The following DGCR8 variants were observed in gnomAD, a reference collection of about 807,000 sequenced individuals.
DGCR8 encodes the protein DGCR8 microprocessor complex subunit.
In DGCR8, 14 loss-of-function variants were observed where a neutral mutation model predicts 78.5. The ratio of observed to expected loss-of-function variants is 0.18; its 90% CI spans 0.12 to 0.28. The LOEUF (loss-of-function observed/expected upper bound fraction) is 0.28, where lower values mean the gene tolerates loss of function less well. Ranked by LOEUF, DGCR8 falls within the 10% of genes least tolerant of loss-of-function variation. The pLI, the probability that DGCR8 is intolerant of heterozygous loss-of-function variation, is 1.00. For missense variants in DGCR8, 702 were observed against 1,022.5 expected (o/e 0.69, Z 4.28); for synonymous variants, 399 against 402.4 (o/e 0.99, Z 0.10).
rs921399840 is a variant in DGCR8, at chr22:20,087,434, G to A, written c.880+113G>A. On this transcript the variant is annotated intron_variant, in intron 3 of 13. Transcript: ENST00000351989. The surrounding 1 kb of genome is among the most constrained non-coding windows in gnomAD (Gnocchi z 4.1). ...GTGCCAGGTAGTGGGCTGGGTGGAGGCATGTTTGAGGACAGGACAGAAATA... is the reference window on the plus strand; with the variant it reads ...GTGCCAGGTAGTGGGCTGGGTGGAGACATGTTTGAGGACAGGACAGAAATA... 42 of 1,240,140 alleles carry A rather than the reference G, an allele frequency of 3.4e-5. No individual in the cohort carries two copies. The highest frequency in any genetic ancestry group is 4.3e-5 in the Non-Finnish European group (39 of 904,002). 76.8% of individuals were successfully genotyped at this position (1,240,140 alleles called of 1,614,324 possible).
rs1410923102 is a variant in DGCR8, at chr22:20,106,612, C to T, written c.1910C>T (p.Thr637Met). Reference sequence around the variant, plus strand: ...TAAAGAAACCATGGGATGGGTGACACGTCTATCAAGTTTGAAGTGGTTCCT... The same window carrying T: ...TAAAGAAACCATGGGATGGGTGACATGTCTATCAAGTTTGAAGTGGTTCCT... ...CLKRNHGMGD[T>M]SIKFEVVPGK... Residue 637 changes from threonine to methionine, a missense_variant, in exon 11 of 14, where the codon ACG (threonine) becomes ATG (methionine). By Grantham distance (81) the Thr-to-Met change is moderately conservative. Transcript: ENST00000351989. The T allele has an allele frequency of 7.4e-6, 12 of 1,613,510 alleles. No individual in the cohort carries two copies. Among genetic ancestry groups the T allele is most frequent in the African/African-American group, 1.3e-5 (1 of 74,918 alleles).
rs537189589 is a variant in DGCR8, at chr22:20,100,778, T to TCCC, written c.1789-5397_1789-5395dup. 2.4e-5 allele frequency: 24 copies of TCCC among 985,356 alleles called. No individual in the cohort carries two copies. In the East Asian group the frequency reaches 1.9e-3, roughly 79 times the overall value. 61.0% of individuals were successfully genotyped at this position (985,356 alleles called of 1,614,324 possible). On this transcript the variant is annotated intron_variant, in intron 9 of 13. Coordinates refer to ENST00000351989, the MANE Select transcript of DGCR8 (RefSeq NM_022720.7). ...GCATGTGGTGGCTTCCGCTGTAGACTCCCCTGCCTGGGGCTTTTTCCACAC... is the reference window on the plus strand; with the variant it reads ...GCATGTGGTGGCTTCCGCTGTAGACTCCCCCCCTGCCTGGGGCTTTTTCCACAC...
chr22:20,082,304 C>T (rs1192869193), intron 1 of DGCR8, among the ~76,000 whole-genome samples: 2 of 151,954 alleles, frequency 1.3e-5, no homozygotes, highest in African/African-American at 2.4e-5. Context: ...AAATGATCTG[C>T]CTGCCTCAGC....
rs761292966 is a variant in DGCR8, at chr22:20,086,302, G to A, written c.339G>A (p.Lys113=). ...PAVRKFSPDL[K]LLKDVKISVS... is the part of the protein sequence containing the mutation. ...TCCGGAAGTTCTCCCCTGACCTTAA[G>A]TTGCTTAAGGATGTAAAGATTAGCG... Residue 113 remains lysine (K), a synonymous_variant, in exon 2 of 14, where the codon AAG becomes AAA. Transcript: ENST00000351989. This position sits in a 1 kb window ranked among gnomAD's most constrained non-coding sequence, Gnocchi z 6.4. 1.2e-6 allele frequency: 2 copies of A among 1,614,184 alleles called. No individual in the cohort carries two copies. Among genetic ancestry groups the A allele is most frequent in the South Asian group, 1.1e-5 (1 of 91,084 alleles).
intron 1 of DGCR8, among the ~76,000 whole-genome samples, chr22:20,082,359 C>T (rs2049428310): frequency 6.6e-6 from 1 of 151,878 alleles, no homozygotes; most frequent in Admixed American, 6.6e-5. Context: ...TGTGCCTGGC[C>T]ACAGAGTGAT....
intron 1 of DGCR8, among the ~76,000 whole-genome samples, chr22:20,081,859 C>A (rs2049421867): frequency 6.6e-6 from 1 of 152,112 alleles, no homozygotes. Context: ...TTTCTTACAC[C>A]TTCATGCAGT....
chr22:20,098,170 G>A (rs1195650755), intron 9 of DGCR8, among the ~76,000 whole-genome samples: 1 of 151,236 alleles, frequency 6.6e-6, no homozygotes, highest in South Asian at 2.1e-4. Context: ...TATATATATG[G>A]GGTAGAGATG....
rs560910865 is a variant in DGCR8 at position 20,090,166 on chromosome 22, C to G, written c.1214C>G (p.Pro405Arg). Reference sequence around the variant, plus strand: ...TCTATGGGTGCTGACCCGGGGCCCCCGGACGAGAAAGACCCACTAGGGGCT... The same window carrying G: ...TCTATGGGTGCTGACCCGGGGCCCCGGGACGAGAAAGACCCACTAGGGGCT... ...PDSMGADPGP[P>R]DEKDPLGAEA... Residue 405 changes from proline to arginine, a missense_variant, in exon 5 of 14, where the codon CCG becomes CGG. Physicochemically the swap from Pro to Arg is moderately radical, Grantham distance 103. This residue lies in a region of DGCR8 where 119 missense variants were observed against 126.1 expected (regional missense o/e 0.94). Coordinates refer to ENST00000351989, the MANE Select transcript of DGCR8 (RefSeq NM_022720.7). The G allele has an allele frequency of 2.7e-5, 44 of 1,614,098 alleles. No homozygotes were observed. The highest frequency in any genetic ancestry group is 3.7e-5 in the Non-Finnish European group (44 of 1,180,048).
chr22:20,083,413 G>A (rs1392500097), intron 1 of DGCR8, among the ~76,000 whole-genome samples: 1 of 151,194 alleles, frequency 6.6e-6, no homozygotes, highest in Non-Finnish European at 1.5e-5. Flanking sequence ...AGGGGAGGAA[G>A]GAACTTGCCC....
Position 20,111,328 on chromosome 22 carries a change from C to T in DGCR8, c.*1220C>T. ...GAGTCCAGCGTTCTGCCGTGTCTGTCCCCCACCATGCCCCCTACAGGCGGT... is the reference window on the plus strand; with the variant it reads ...GAGTCCAGCGTTCTGCCGTGTCTGTTCCCCACCATGCCCCCTACAGGCGGT... On this transcript the variant is annotated 3_prime_UTR_variant, in exon 14 of 14. Transcript: ENST00000351989. The T allele has an allele frequency of 2.5e-6, 1 of 398,360 alleles. No individual in the cohort carries two copies. The highest frequency in any genetic ancestry group is 3.6e-5 in the East Asian group (1 of 28,054). 24.7% of individuals were successfully genotyped at this position (398,360 alleles called of 1,614,324 possible).
chr22:20,101,460 C>G, intron 9 of DGCR8: 1 of 707,450 alleles, frequency 1.4e-6, no homozygotes, highest in Non-Finnish European at 1.7e-6. Flanking sequence ...CGCCTGCAGT[C>G]CCAGCTACTC....
At chr22:20,099,683 C>A (rs570889747) in intron 9 of DGCR8, among the ~76,000 whole-genome samples, 1 of 152,302 alleles carries the variant, frequency 6.6e-6, no homozygotes, top group African/African-American at 2.4e-5. Flanking sequence ...ACCATTTTTG[C>A]TAGTGTTCTT....
In DGCR8 at chr22:20,086,805, C is replaced by T. The variant is rs5748530; in HGVS notation, c.720+122C>T. 8.9e-7 allele frequency: 1 copy of T among 1,129,722 alleles called. No homozygotes were observed. 70.0% of individuals were successfully genotyped at this position (1,129,722 alleles called of 1,614,324 possible). ...AAAAAAACAAAAACCAAAATCCCCTCTGAGGTGGAATAATGTTAATGTGGA... is the reference window on the plus strand; with the variant it reads ...AAAAAAACAAAAACCAAAATCCCCTTTGAGGTGGAATAATGTTAATGTGGA... On this transcript the variant is annotated intron_variant, in intron 2 of 13. Coordinates refer to ENST00000351989, the MANE Select transcript of DGCR8 (RefSeq NM_022720.7). This position sits in a 1 kb window ranked among gnomAD's most constrained non-coding sequence, Gnocchi z 6.4.
At chr22:20,083,173 C>A (rs2147911900) in intron 1 of DGCR8, among the ~76,000 whole-genome samples, 1 of 152,314 alleles carries the variant, frequency 6.6e-6, no homozygotes, top group Non-Finnish European at 1.5e-5. Flanking sequence ...GGCCATGAGG[C>A]CTTCTTGGAT....
chr22:20,094,207 G>C (rs140968799), intron 8 of DGCR8, among the ~76,000 whole-genome samples: 1 of 152,200 alleles, frequency 6.6e-6, no homozygotes, highest in Non-Finnish European at 1.5e-5. Flanking sequence ...GGTCTATGGA[G>C]CCATCAGCCC....
rs1404845409 is a variant in DGCR8, at chr22:20,089,870, A to G, written c.1023+59A>G. On this transcript the variant is annotated intron_variant, in intron 4 of 13. Transcript: ENST00000351989. This position sits in a 1 kb window ranked among gnomAD's most constrained non-coding sequence, Gnocchi z 4.9. ...TAAGTTCTCAGACCAAAACGTGCAC[A>G]TCCACACACATGGCACCGCAGCCAA... 6.2e-7 allele frequency: 1 copy of G among 1,602,696 alleles called. No individual in the cohort carries two copies. The highest frequency in any genetic ancestry group is 2.2e-5 in the East Asian group (1 of 44,700).
intron 9 of DGCR8, chr22:20,096,333 A>G (rs1024341632): frequency 1.6e-5 from 6 of 365,782 alleles, no homozygotes; most frequent in African/African-American, 8.8e-5. Context: ...TGGCCTTGGT[A>G]TCTCAGGGGT....
chr22:20,087,217 A>C lies in DGCR8; in HGVS notation c.776A>C (p.Lys259Thr), dbSNP rs781092095. The C allele has an allele frequency of 6.8e-6, 11 of 1,614,074 alleles. No homozygotes were observed. The highest frequency in any genetic ancestry group is 9.3e-6 in the Non-Finnish European group (11 of 1,179,946). Residue 259 changes from lysine (K) to threonine (T), a missense_variant, in exon 3 of 14, where the codon AAA becomes ACA. Coordinates refer to ENST00000351989, the MANE Select transcript of DGCR8 (RefSeq NM_022720.7). The surrounding 1 kb of genome is among the most constrained non-coding windows in gnomAD (Gnocchi z 4.1). Reference protein sequence around the residue: ...ALLEEGLCAPKKRRTEEKYGG... With the variant: ...ALLEEGLCAPTKRRTEEKYGG... ...CTGGAAGAAGGCCTTTGTGCCCCCA[A>C]AAAGAGGCGAACAGAGGAAAAATAT... is the stretch of plus-strand genomic sequence containing the variant.
chr22:20,107,530 C>G (rs1423102900), intron 12 of DGCR8, 132 bp downstream of exon 12: 15 of 1,142,488 alleles, frequency 1.3e-5, no homozygotes, highest in Non-Finnish European at 1.9e-5. Flanking sequence ...TCCTGGGCCA[C>G]TTGTGTGGCT....
Sources: gnomAD v4.1 joint callset for allele counts (sites outside exome capture counted in the v4.1 genomes callset) on GRCh38, gnomAD v4.1.1 for gene constraint, gnomAD v4.1.1 regional missense constraint, Gnocchi (gnomAD v3.1) non-coding constraint, MANE v1.5 for transcripts, NCBI Gene and HGNC (gene_info 2026-07-23, HGNC 2026-07-21) for gene names.